The following C8orf34 variants were observed in gnomAD, a reference collection of about 807,000 sequenced individuals.
The protein encoded by C8orf34 is uncharacterized protein C8orf34.
A neutral mutation model predicts 68.3 loss-of-function variants in C8orf34; 65 were observed. The ratio of observed to expected loss-of-function variants is 0.95; its 90% CI spans 0.78 to 1.17. The LOEUF is 1.17. Ranked by LOEUF, C8orf34 falls within the 50% of genes most tolerant of loss-of-function variation. The probability of loss-of-function intolerance (pLI) is 0.00; values close to 1 mark genes in which losing one functional copy is unlikely to be tolerated. For missense variants in C8orf34, 664 were observed against 655.4 expected (o/e 1.01, Z -0.14); for synonymous variants, 244 against 241.2 (o/e 1.01, Z -0.11).
chr8:68,420,721 A>G (rs1193594400), intron 1 of C8orf34, among the ~76,000 whole-genome samples: 2 of 152,204 alleles, frequency 1.3e-5, no homozygotes, highest in East Asian at 3.8e-4. Flanking sequence ...TAATTTCTGT[A>G]TAAAATCTAA....
intron 10 of C8orf34, among the ~76,000 whole-genome samples, chr8:68,731,660 C>T (rs1437740780): frequency 6.6e-6 from 1 of 152,068 alleles, no homozygotes; most frequent in African/African-American, 2.4e-5. Context: ...ACAAGCTAAA[C>T]GCAATAAGCA....
At chr8:68,524,480 G>A (rs1814893801) in intron 6 of C8orf34, among the ~76,000 whole-genome samples, 1 of 152,190 alleles carries the variant, frequency 6.6e-6, no homozygotes. Context: ...CTAACATGGA[G>A]TCCTGCCACA....
intron 12 of C8orf34, among the ~76,000 whole-genome samples, chr8:68,789,193 T>C (rs1380408962): frequency 6.6e-6 from 1 of 152,216 alleles, no homozygotes; most frequent in Non-Finnish European, 1.5e-5. Flanking sequence ...AAAAAAACCT[T>C]CAAGCACTGT....
At chr8:68,555,439 T>C (rs931951084) in intron 7 of C8orf34, among the ~76,000 whole-genome samples, 5 of 152,112 alleles carry the variant, frequency 3.3e-5, no homozygotes, top group Non-Finnish European at 7.4e-5. Flanking sequence ...TGCATTCTAC[T>C]TACATTCTTT....
At chr8:68,387,987 T>A (rs996997320) in intron 1 of C8orf34, among the ~76,000 whole-genome samples, 1 of 152,168 alleles carries the variant, frequency 6.6e-6, no homozygotes, top group Non-Finnish European at 1.5e-5. Context: ...ACTTACTGAT[T>A]AGCACTGAGT....
Position 68,812,689 on chromosome 8 carries a change from C to T in C8orf34, c.1550-3197C>T, listed in dbSNP as rs183114541. ...AACATATACTTAATAGATATTTATG[C>T]GTTCATAATTTTTTTACTTAACAAA... On this transcript the variant is annotated intron_variant, in intron 12 of 13. Coordinates refer to ENST00000518698, the MANE Select transcript of C8orf34 (RefSeq NM_052958.4). Among the ~76,000 whole-genome samples the T allele has an allele frequency of 1.4e-4, 21 of 151,872 alleles. No homozygotes were observed. The East Asian group carries it at 2.5e-3, about 18-fold the overall frequency.
intron 1 of C8orf34, among the ~76,000 whole-genome samples, chr8:68,430,266 C>A (rs997428175): frequency 6.6e-6 from 1 of 152,146 alleles, no homozygotes; most frequent in South Asian, 2.1e-4. Context: ...ATGGTGCACC[C>A]CGACCCCACA....
At chr8:68,488,681 A>T (rs1261808137) in intron 5 of C8orf34, among the ~76,000 whole-genome samples, 1 of 152,208 alleles carries the variant, frequency 6.6e-6, no homozygotes, top group Non-Finnish European at 1.5e-5. Flanking sequence ...TAAAATTAGA[A>T]AAACTAGGAA....
At chr8:68,508,589 C>G (rs1281956733) in intron 5 of C8orf34, among the ~76,000 whole-genome samples, 1 of 152,152 alleles carries the variant, frequency 6.6e-6, no homozygotes, top group African/African-American at 2.4e-5. Context: ...GCTGGATGAG[C>G]TCAACAGGTC....
At chr8:68,451,239 G>T (rs969852007) in intron 3 of C8orf34, among the ~76,000 whole-genome samples, 2 of 152,062 alleles carry the variant, frequency 1.3e-5, no homozygotes, top group Non-Finnish European at 2.9e-5. Flanking sequence ...GAATGTTGTG[G>T]CTGATTTGAT....
At chr8:68,362,574 T>C (rs929962066) in intron 1 of C8orf34, among the ~76,000 whole-genome samples, 2 of 152,158 alleles carry the variant, frequency 1.3e-5, no homozygotes, top group Admixed American at 6.5e-5. Context: ...AGACTGCCTC[T>C]TCAAGTGGGT....
At chr8:68,722,070 C>T (rs976044681) in intron 10 of C8orf34, among the ~76,000 whole-genome samples, 1 of 151,988 alleles carries the variant, frequency 6.6e-6, no homozygotes, top group African/African-American at 2.4e-5. Flanking sequence ...AACAAAGTAG[C>T]AAAGACTGGG....
At chr8:68,767,584 C>T (rs1287534892) in intron 10 of C8orf34, among the ~76,000 whole-genome samples, 1 of 152,156 alleles carries the variant, frequency 6.6e-6, no homozygotes, top group Non-Finnish European at 1.5e-5. Context: ...TGAAAATTAT[C>T]CAGAAATAAG....
chr8:68,549,542 G>A (rs1815996776), intron 7 of C8orf34, among the ~76,000 whole-genome samples: 6 of 151,454 alleles, frequency 4.0e-5, no homozygotes, highest in South Asian at 4.2e-4. Flanking sequence ...TAGTATCTGT[G>A]CATTTCACTG....
chr8:68,555,160 T>C (rs1347333237), intron 7 of C8orf34, among the ~76,000 whole-genome samples: 1 of 152,146 alleles, frequency 6.6e-6, no homozygotes, highest in Non-Finnish European at 1.5e-5. Flanking sequence ...TGTGGTATAG[T>C]AAAGAGAACA....
intron 8 of C8orf34, among the ~76,000 whole-genome samples, chr8:68,688,735 C>A (rs1411909224): frequency 2.0e-5 from 3 of 152,018 alleles, no homozygotes; most frequent in Admixed American, 2.0e-4. Context: ...AACACAGGAG[C>A]AGAAAACCAA....
chr8:68,510,175 A>G (rs143788584), intron 5 of C8orf34, among the ~76,000 whole-genome samples: 59 of 151,956 alleles, frequency 3.9e-4, no homozygotes, highest in Middle Eastern at 6.8e-3. Flanking sequence ...AGTTGCATGC[A>G]CTCCCTATCG....
At chr8:68,336,558 A>AG (rs1199486423) in intron 1 of C8orf34, among the ~76,000 whole-genome samples, 3 of 152,204 alleles carry the variant, frequency 2.0e-5, no homozygotes, top group African/African-American at 7.2e-5. Flanking sequence ...TAATAGAAAC[A>AG]GGTATAGATG....
At position 68,446,329 on chromosome 8, in the gene C8orf34, A is replaced by C; in HGVS notation, c.476A>C (p.Glu159Ala). ...AALWAESEKS[E>A]SKGTRRDFRS... ...TTTTATATATATTTTGTTTTAACAG[A>C]ATCCAAAGGAACAAGAAGGGATTTC... Residue 159 changes from glutamate (E) to alanine (A), a missense_variant and splice_region_variant, in exon 3 of 14, where the codon GAA (glutamate) becomes GCA (alanine). Coordinates refer to ENST00000518698, the MANE Select transcript of C8orf34 (RefSeq NM_052958.4). The C allele has an allele frequency of 6.3e-7, 1 of 1,585,660 alleles. No homozygotes were observed. The highest frequency in any genetic ancestry group is 8.5e-7 in the Non-Finnish European group (1 of 1,171,942).
Sources: allele counts gnomAD v4.1 joint callset (sites outside exome capture counted in the v4.1 genomes callset), GRCh38; gene constraint gnomAD v4.1.1; transcripts MANE v1.5; gene names NCBI Gene and HGNC (gene_info 2026-07-23, HGNC 2026-07-21).